PRKD1: variants seen among roughly 807,000 people sequenced by gnomAD.
PRKD1 encodes the protein serine/threonine-protein kinase D1.
Under a neutral mutation model 95.9 loss-of-function variants are expected in PRKD1, and 63 were observed. That is an observed-to-expected ratio of 0.66 (90% CI 0.54 to 0.81). The LOEUF is 0.81. PRKD1 is among the 30% of genes least tolerant of loss of function. The pLI is 0.00. For missense variants in PRKD1, 1,048 were observed against 1,165.3 expected (o/e 0.90, Z 1.47); for synonymous variants, 425 against 423.1 (o/e 1.00, Z -0.05).
chr14:29,851,158 T>C (rs1203799742), intron 1 of PRKD1, among the ~76,000 whole-genome samples: 3 of 152,116 alleles, frequency 2.0e-5, no homozygotes, highest in Non-Finnish European at 4.4e-5. Context: ...GTCTTGACAT[T>C]GGCCTGGGCA....
chr14:29,638,733 G>C lies in PRKD1; in HGVS notation c.868C>G (p.Leu290Val), dbSNP rs1880547605. The change falls in exon 5 of 18, where the codon CTT becomes GTT. Residue 290 changes from leucine to valine, a missense_variant. By Grantham distance (32) the Leu-to-Val change is conservative (BLOSUM62 1). Coordinates refer to ENST00000331968, the MANE Select transcript of PRKD1 (RefSeq NM_002742.3). ...RPTVCQYCKK[L>V]LKGLFRQGLQ... Reference sequence around the variant, plus strand: ...CCCTGCCTGAAAAGCCCCTTCAGAAGCTTCTTGCAGTACTGGCACACTGTG... The same window carrying C: ...CCCTGCCTGAAAAGCCCCTTCAGAACCTTCTTGCAGTACTGGCACACTGTG... 1 of 1,614,016 alleles carries C rather than the reference G, an allele frequency of 6.2e-7. No individual in the cohort carries two copies. The highest frequency in any genetic ancestry group is 1.3e-5 in the African/African-American group (1 of 74,928).
chr14:29,634,451 T>C lies in PRKD1; in HGVS notation c.1281A>G (p.Gly427=), dbSNP rs767017276. The C allele has an allele frequency of 1.2e-6, 2 of 1,614,086 alleles. No homozygotes were observed. Among genetic ancestry groups the C allele is most frequent in the East Asian group, 2.2e-5 (1 of 44,872 alleles). ...CCTTGCTGGTGTAGTGGACCATCCA[T>C]CCTTCTTTCATGACTGTGCTGCTTT... ...KRKSSTVMKE[G]WMVHYTSKDT... Residue 427 remains glycine, a synonymous_variant, in exon 8 of 18, where the codon GGA becomes GGG. Transcript: ENST00000331968.
chr14:29,773,791 A>G (rs1269572358), intron 1 of PRKD1, among the ~76,000 whole-genome samples: 1 of 152,226 alleles, frequency 6.6e-6, no homozygotes, highest in African/African-American at 2.4e-5. Context: ...CGAGACAATG[A>G]AATGTACCCA....
Position 29,893,795 on chromosome 14 carries a change from T to C in PRKD1, c.264+33454A>G, listed in dbSNP as rs8007295. 9.5e-4 allele frequency among the ~76,000 whole-genome samples: 144 copies of C among 152,286 alleles called. 3 individuals are homozygous for C. Among genetic ancestry groups the C allele is most frequent in the African/African-American group, 3.3e-3 (137 of 41,568 alleles). On this transcript the variant is annotated intron_variant, in intron 1 of 17. Coordinates refer to ENST00000331968, the MANE Select transcript of PRKD1 (RefSeq NM_002742.3). ...TCAGTTCTAAGTGTGCTCCTAGATA[T>C]GACTCTACACTAACACATTACAATC...
At chr14:29,926,523 G>C (rs1895302109) in intron 1 of PRKD1, among the ~76,000 whole-genome samples, 1 of 152,104 alleles carries the variant, frequency 6.6e-6, no homozygotes, top group South Asian at 2.1e-4. Flanking sequence ...GCCTTCAGTG[G>C]CCGCTGTCCA....
chr14:29,868,332 A>G (rs1892981947), intron 1 of PRKD1, among the ~76,000 whole-genome samples: 3 of 152,332 alleles, frequency 2.0e-5, no homozygotes, highest in African/African-American at 7.2e-5. Context: ...CATTCTTCAA[A>G]AGATGCCACT....
chr14:29,826,248 A>G (rs866542111), intron 1 of PRKD1, among the ~76,000 whole-genome samples: 1 of 41,936 alleles, frequency 2.4e-5, no homozygotes, highest in Non-Finnish European at 4.4e-5. Flanking sequence ...ATACATATAT[A>G]TGATGGAATA....
chr14:29,577,997 T>C (rs1284635088), intron 17 of PRKD1, among the ~76,000 whole-genome samples: 3 of 152,066 alleles, frequency 2.0e-5, no homozygotes, highest in Non-Finnish European at 4.4e-5. Context: ...TGATCCTTGG[T>C]TTATTTATTT....
intron 1 of PRKD1, among the ~76,000 whole-genome samples, chr14:29,840,259 G>C (rs999693645): frequency 6.6e-6 from 1 of 152,106 alleles, no homozygotes; most frequent in Non-Finnish European, 1.5e-5. Flanking sequence ...AATCTCCAGG[G>C]CAGGGCAAAA....
intron 1 of PRKD1, among the ~76,000 whole-genome samples, chr14:29,828,044 A>C (rs1891266342): frequency 1.3e-5 from 2 of 151,776 alleles, no homozygotes; most frequent in Non-Finnish European, 1.5e-5. Flanking sequence ...TCTCCTCTCT[A>C]TGTCTTCCTC....
intron 2 of PRKD1, among the ~76,000 whole-genome samples, chr14:29,695,889 C>T (rs1348032190): frequency 6.6e-6 from 1 of 152,044 alleles, no homozygotes; most frequent in Non-Finnish European, 1.5e-5. Flanking sequence ...ATGGAAATAT[C>T]TGGAATGTCA....
chr14:29,651,556 T>A (rs1002973340), intron 4 of PRKD1, among the ~76,000 whole-genome samples: 1 of 152,052 alleles, frequency 6.6e-6, no homozygotes, highest in African/African-American at 2.4e-5. Context: ...AGGCTGAATT[T>A]TCTCTAGTTT....
intron 4 of PRKD1, among the ~76,000 whole-genome samples, chr14:29,650,834 A>G (rs2224590): frequency 0.014 from 2,173 of 152,356 alleles, 54 homozygotes; most frequent in African/African-American, 0.049. Context: ...AAGAAGAAAA[A>G]CAGAAACTTA....
chr14:29,583,819 C>T (rs1421638829), intron 16 of PRKD1, among the ~76,000 whole-genome samples: 3 of 152,072 alleles, frequency 2.0e-5, no homozygotes, highest in Non-Finnish European at 4.4e-5. Context: ...ATGTTCCCTA[C>T]AAATTATAAA....
chr14:29,819,639 G>A (rs1051103162), intron 1 of PRKD1, among the ~76,000 whole-genome samples: 7 of 152,032 alleles, frequency 4.6e-5, no homozygotes, highest in African/African-American at 1.4e-4. Flanking sequence ...GCAGTGAGCC[G>A]AGATTGCGCC....
chr14:29,896,284 G>A lies in PRKD1; in HGVS notation c.264+30965C>T, dbSNP rs912553231. Among the ~76,000 whole-genome samples the A allele has an allele frequency of 2.0e-5, 3 of 151,998 alleles. No individual in the cohort carries two copies. In the East Asian group the frequency reaches 5.8e-4, roughly 29 times the overall value. On this transcript the variant is annotated intron_variant, in intron 1 of 17. Transcript: ENST00000331968. ...ACCAGAGCTTAAATCCAGATTTACT[G>A]ACTCTTAACTTCAGAAAATCTGTTT...
intron 1 of PRKD1, among the ~76,000 whole-genome samples, chr14:29,906,521 A>G (rs1275599913): frequency 6.7e-6 from 1 of 148,486 alleles, no homozygotes; most frequent in African/African-American, 2.6e-5. Flanking sequence ...GAGACCTTGT[A>G]TCAATTTAAC....
chr14:29,863,756 C>T (rs17096099), intron 1 of PRKD1, among the ~76,000 whole-genome samples: 27,170 of 152,060 alleles, frequency 0.18, 2,620 homozygotes, highest in East Asian at 0.35. Flanking sequence ...ATTCTACAAT[C>T]TTACTCTTTT....
chr14:29,826,828 T>TATATATACAC lies in PRKD1; in HGVS notation c.264+100420_264+100421insGTGTATATAT, dbSNP rs1566623095. Among the ~76,000 whole-genome samples the TATATATACAC allele has an allele frequency of 4.8e-4, 17 of 35,296 alleles. 3 individuals are homozygous for TATATATACAC. The highest frequency in any genetic ancestry group is 8.0e-4 in the Non-Finnish European group (15 of 18,842). 23.2% of individuals were successfully genotyped at this position (35,296 alleles called of 152,430 possible). A position where few individuals can be genotyped will look rare whatever the true frequency, so the allele number is the denominator to read the frequency against. The stretch of plus-strand genomic sequence containing the variant: ...ACATATATATACACATATATATATA[T>TATATATACAC]ATATATATATACACACATATATATA... On this transcript the variant is annotated intron_variant, in intron 1 of 17. Coordinates refer to ENST00000331968, the MANE Select transcript of PRKD1 (RefSeq NM_002742.3).
Sources: gnomAD v4.1 joint callset for allele counts (sites outside exome capture counted in the v4.1 genomes callset) on GRCh38, gnomAD v4.1.1 for gene constraint, MANE v1.5 for transcripts, NCBI Gene and HGNC (gene_info 2026-07-23, HGNC 2026-07-21) for gene names.